MRPS27: variants seen among roughly 807,000 people sequenced by gnomAD.
MRPS27 encodes the protein small ribosomal subunit protein mS27.
A neutral mutation model predicts 48.9 loss-of-function variants in MRPS27; 43 were observed. That is an observed-to-expected ratio of 0.88 (90% confidence interval 0.69 to 1.13). The LOEUF is 1.13. Ranked by LOEUF, MRPS27 falls within the 50% of genes most tolerant of loss-of-function variation. The pLI is 0.00. For synonymous variants in MRPS27, 188 were observed against 171.9 expected (o/e 1.09, Z -0.73); for missense variants, 467 against 476.3 (o/e 0.98, Z 0.18).
intron 4 of MRPS27, among the ~76,000 whole-genome samples, chr5:72,265,445 C>T (rs1749084587): frequency 6.6e-6 from 1 of 152,078 alleles, no homozygotes; most frequent in Non-Finnish European, 1.5e-5. Context: ...ATTTGTTGGG[C>T]AACACTGAAT....
chr5:72,263,340 G>C (rs1246840445), intron 4 of MRPS27, among the ~76,000 whole-genome samples: 1 of 151,830 alleles, frequency 6.6e-6, no homozygotes, highest in Non-Finnish European at 1.5e-5. Context: ...AAAACATGGG[G>C]TAAATTTTCA....
At chr5:72,289,889 G>T (rs1749775091) in intron 4 of MRPS27, among the ~76,000 whole-genome samples, 1 of 152,082 alleles carries the variant, frequency 6.6e-6, no homozygotes. Flanking sequence ...AACTACCATG[G>T]TCCCAACATG....
intron 2 of MRPS27, among the ~76,000 whole-genome samples, chr5:72,309,203 T>C (rs1241106540): frequency 6.6e-6 from 1 of 151,888 alleles, no homozygotes; most frequent in Non-Finnish European, 1.5e-5. Context: ...GTACTGCTTT[T>C]CCAAGAAAAC....
chr5:72,276,263 C>T (rs190949034), intron 4 of MRPS27, among the ~76,000 whole-genome samples: 213 of 152,252 alleles, frequency 1.4e-3, no homozygotes, highest in Non-Finnish European at 1.6e-3. Context: ...TAAGATCACA[C>T]ATCTACAACC....
chr5:72,221,196 A>G (rs749734775), intron 10 of MRPS27, 48 bp from the exon 11 acceptor site: 2 of 1,593,812 alleles, frequency 1.3e-6, no homozygotes, highest in South Asian at 1.1e-5. Flanking sequence ...GAGAAGTGAG[A>G]GAAAGATACA....
intron 2 of MRPS27, among the ~76,000 whole-genome samples, chr5:72,307,176 A>G (rs752804982): frequency 1.3e-5 from 2 of 152,060 alleles, no homozygotes; most frequent in Non-Finnish European, 2.9e-5. Context: ...AAAAGGCAAG[A>G]CCCCATCTCT....
chr5:72,281,267 C>T (rs1367080859), intron 4 of MRPS27, among the ~76,000 whole-genome samples: 1 of 152,126 alleles, frequency 6.6e-6, no homozygotes, highest in Non-Finnish European at 1.5e-5. Flanking sequence ...GGCATTATAA[C>T]GTTATCAATT....
In MRPS27 at chr5:72,297,694, C is replaced by T. The variant is rs1448344082; in HGVS notation, c.160G>A (p.Ala54Thr). The T allele has an allele frequency of 6.3e-7, 1 of 1,596,044 alleles. No homozygotes were observed. Among genetic ancestry groups the T allele is most frequent in the South Asian group, 1.2e-5 (1 of 86,780 alleles). The change falls in exon 3 of 11, where the codon GCA (alanine) becomes ACA (threonine). Residue 54 changes from alanine (A) to threonine (T), a missense_variant. Physicochemically the swap from Ala to Thr is moderately conservative, Grantham distance 58. Coordinates refer to ENST00000261413, the MANE Select transcript of MRPS27 (RefSeq NM_015084.3). The part of the protein sequence containing the change: ...EKEHYCLADL[A>T]SLMDKTFERK... The stretch of plus-strand genomic sequence containing the variant: ...TCAAATGTTTTATCCATTAAAGATG[C>T]AAGATCAGCTGTGAAGACAAAAAAA...
At chr5:72,264,415 TAAA>T (rs1007397572) in intron 4 of MRPS27, among the ~76,000 whole-genome samples, 2 of 151,322 alleles carry the variant, frequency 1.3e-5, no homozygotes, top group Non-Finnish European at 3.0e-5. Context: ...ATTTCATTTT[TAAA>T]AAAAAAGAGA....
intron 4 of MRPS27, among the ~76,000 whole-genome samples, chr5:72,250,332 T>A (rs1748632565): frequency 6.6e-6 from 1 of 152,184 alleles, no homozygotes; most frequent in South Asian, 2.1e-4. Flanking sequence ...CTTAGGGATA[T>A]GTTCTGTGTT....
chr5:72,295,347 A>C (rs933973040), intron 4 of MRPS27, 184 bp downstream of exon 4: 59 of 521,370 alleles, frequency 1.1e-4, no homozygotes, highest in Non-Finnish European at 3.4e-5. Context: ...TTTAAATAAT[A>C]AACTCACAGT....
In MRPS27 at chr5:72,312,315, CTA is replaced by C. The variant is rs555782401; in HGVS notation, c.151+1764_151+1765del. On this transcript the variant is annotated intron_variant, in intron 2 of 10. Transcript: ENST00000261413. ...GGAAAATAAGGTGAATTTTGCAACT[CTA>C]TATTGAGGGAAGACATACCTTTGAA... Among the ~76,000 whole-genome samples the C allele has an allele frequency of 5.7e-4, 86 of 152,118 alleles. 1 individual carries two copies. The highest frequency in any genetic ancestry group is 2.0e-3 in the African/African-American group (84 of 41,490).
At chr5:72,284,075 C>A (rs1192727137) in intron 4 of MRPS27, among the ~76,000 whole-genome samples, 1 of 152,094 alleles carries the variant, frequency 6.6e-6, no homozygotes, top group African/African-American at 2.4e-5. Context: ...ATGATATATA[C>A]TTCTTAAGAA....
chr5:72,310,330 G>C (rs754689257), intron 2 of MRPS27, among the ~76,000 whole-genome samples: 2 of 152,044 alleles, frequency 1.3e-5, no homozygotes, highest in African/African-American at 2.4e-5. Context: ...GTTGATTCCA[G>C]GGCTAGGCCA....
At chr5:72,274,443 C>A (rs189429178) in intron 4 of MRPS27, among the ~76,000 whole-genome samples, 1 of 152,200 alleles carries the variant, frequency 6.6e-6, no homozygotes, top group South Asian at 2.1e-4. Flanking sequence ...TCTTCCACCT[C>A]CACATCTTGT....
In MRPS27 at chr5:72,219,736, C is replaced by A. The variant is rs1747689542; in HGVS notation, c.*1173G>T. On this transcript the variant is annotated 3_prime_UTR_variant, in exon 11 of 11. Coordinates refer to ENST00000261413, the MANE Select transcript of MRPS27 (RefSeq NM_015084.3). Reference sequence around the variant, plus strand: ...TGATGCACTTCAAGCCCCAACCCATCTCTCATTTTCTAACTTCTTTAACAG... The same window carrying A: ...TGATGCACTTCAAGCCCCAACCCATATCTCATTTTCTAACTTCTTTAACAG... 1 of 152,236 alleles carries A rather than the reference C, an allele frequency of 6.6e-6. No individual in the cohort carries two copies. 9.4% of individuals were successfully genotyped at this position (152,236 alleles called of 1,614,324 possible). A position where few individuals can be genotyped will look rare whatever the true frequency, so the allele number is the denominator to read the frequency against.
chr5:72,228,181 A>G (rs1307361555), intron 8 of MRPS27, 85 bp downstream of exon 8: 3 of 1,238,792 alleles, frequency 2.4e-6, no homozygotes, highest in African/African-American at 1.5e-5. Context: ...GTAAATTTAA[A>G]TCAAATTACA....
At chr5:72,308,335 C>T (rs1428841008) in intron 2 of MRPS27, among the ~76,000 whole-genome samples, 3 of 152,388 alleles carry the variant, frequency 2.0e-5, no homozygotes, top group Non-Finnish European at 4.4e-5. Context: ...GAAGCCCACA[C>T]CCACACGCCG....
chr5:72,226,201 T>C lies in MRPS27; in HGVS notation c.695-2A>G. ...GCCCTTGCTGCAACTCCACCTTCCC[T>C]GTGGCCAAAAAGAACAATAAAGAAT... On this transcript the variant is annotated splice_acceptor_variant, in intron 8 of 10. Coordinates refer to ENST00000261413, the MANE Select transcript of MRPS27 (RefSeq NM_015084.3). LOFTEE classifies it high-confidence loss of function. 3.7e-6 allele frequency: 6 copies of C among 1,613,466 alleles called. No homozygotes were observed. Among genetic ancestry groups the C allele is most frequent in the Non-Finnish European group, 4.2e-6 (5 of 1,179,550 alleles).
Sources: gnomAD v4.1 joint callset for allele counts (sites outside exome capture counted in the v4.1 genomes callset) on GRCh38, gnomAD v4.1.1 for gene constraint, MANE v1.5 for transcripts, NCBI Gene and HGNC (gene_info 2026-07-23, HGNC 2026-07-21) for gene names.